Variants in PCSK5 observed in about 807,000 individuals in gnomAD.
PCSK5 encodes prohormone convertase 5.
A neutral mutation model predicts 233.2 loss-of-function variants in PCSK5; 129 were observed. The ratio of observed to expected loss-of-function variants is 0.55; its 90% CI spans 0.48 to 0.64. The LOEUF is 0.64. PCSK5 is among the 30% of genes least tolerant of loss of function. PCSK5 has a pLI of 0.00. For synonymous variants in PCSK5, 825 were observed against 879.2 expected (o/e 0.94, Z 1.09); for missense variants, 2,076 against 2,430.1 (o/e 0.85, Z 3.06).
At chr9:76,004,756 A>G (rs1394681696) in intron 3 of PCSK5, among the ~76,000 whole-genome samples, 6 of 152,176 alleles carry the variant, frequency 3.9e-5, no homozygotes, top group African/African-American at 1.4e-4. Flanking sequence ...AGACCTTTCA[A>G]GTTGACTCCT....
intron 5 of PCSK5, among the ~76,000 whole-genome samples, chr9:76,064,262 G>T (rs1260866976): frequency 9.6e-6 from 1 of 103,654 alleles, no homozygotes; most frequent in Non-Finnish European, 1.9e-5. Context: ...CCTGGACGGG[G>T]TGGCTGGCCG....
In PCSK5 at chr9:76,060,553, CTGTTCAGGGTTCAACTGTATT is replaced by C. The variant is rs556334900; in HGVS notation, c.633-7398_633-7378del. 9.2e-5 allele frequency among the ~76,000 whole-genome samples: 14 copies of C among 152,200 alleles called. No homozygotes were observed. The South Asian group carries it at 2.9e-3, about 32-fold the overall frequency. ...ATAAGTGGACCCAAGAAGTTCTGTG[CTGTTCAGGGTTCAACTGTATT>C]TGTAAATCTAGACAAATACTGTTCA... On this transcript the variant is annotated intron_variant, in intron 5 of 37. Coordinates refer to ENST00000674117, the MANE Select transcript of PCSK5 (RefSeq NM_001372043.1).
At chr9:75,965,150 G>T (rs1366809791) in intron 2 of PCSK5, among the ~76,000 whole-genome samples, 1 of 152,208 alleles carries the variant, frequency 6.6e-6, no homozygotes, top group Non-Finnish European at 1.5e-5. Context: ...GCAGCCAAGT[G>T]AAGCAATTTG....
chr9:76,180,338 C>A (rs540857500), intron 15 of PCSK5, among the ~76,000 whole-genome samples: 1 of 152,144 alleles, frequency 6.6e-6, no homozygotes, highest in East Asian at 1.9e-4. Context: ...TCCTTTCCAC[C>A]CCACTGATGT....
chr9:76,294,654 G>A (rs557644679), intron 25 of PCSK5, among the ~76,000 whole-genome samples: 4 of 152,048 alleles, frequency 2.6e-5, no homozygotes, highest in African/African-American at 9.6e-5. Flanking sequence ...TCTACCATAC[G>A]AGATTTGTGG....
intron 8 of PCSK5, among the ~76,000 whole-genome samples, chr9:76,105,091 T>C (rs1292007785): frequency 6.6e-6 from 1 of 152,226 alleles, no homozygotes; most frequent in Non-Finnish European, 1.5e-5. Context: ...GGCACCCCCA[T>C]GTGCATGTTC....
intron 2 of PCSK5, among the ~76,000 whole-genome samples, chr9:75,976,430 C>T (rs1023053170): frequency 5.3e-5 from 8 of 151,252 alleles, no homozygotes; most frequent in Admixed American, 1.3e-4. Flanking sequence ...CCTTTTTTTT[C>T]CCCAGAGGAC....
chr9:76,110,070 CA>C, intron 9 of PCSK5, among the ~76,000 whole-genome samples: 1 of 152,298 alleles, frequency 6.6e-6, no homozygotes, highest in African/African-American at 2.4e-5. Flanking sequence ...TGCTTCTCAA[CA>C]GCCCTTGAAC....
At chr9:76,155,919 C>T (rs1032735871) in intron 10 of PCSK5, among the ~76,000 whole-genome samples, 1 of 152,102 alleles carries the variant, frequency 6.6e-6, no homozygotes, top group Non-Finnish European at 1.5e-5. Context: ...GAAAGAGCAG[C>T]CTCTGACTGG....
At chr9:75,899,999 G>C (rs1307337291) in intron 1 of PCSK5, among the ~76,000 whole-genome samples, 1 of 152,164 alleles carries the variant, frequency 6.6e-6, no homozygotes, top group Non-Finnish European at 1.5e-5. Flanking sequence ...AGTGCTCTTA[G>C]CACCAATGCT....
intron 3 of PCSK5, among the ~76,000 whole-genome samples, chr9:75,992,561 A>G (rs1445879416): frequency 6.6e-6 from 1 of 152,030 alleles, no homozygotes; most frequent in East Asian, 1.9e-4. Flanking sequence ...CCCGTAGTAA[A>G]TAACTTTAAA....
chr9:76,310,731 G>A lies in PCSK5; in HGVS notation c.3764G>A (p.Cys1255Tyr). The change falls in exon 30 of 38, where the codon TGC (cysteine) becomes TAC (tyrosine). Residue 1255 changes from cysteine (C) to tyrosine (Y), a missense_variant. This residue lies in a region of PCSK5 where 1,510 missense variants were observed against 1,538.1 expected (regional missense o/e 0.98). Transcript: ENST00000674117. ...GTWPSVRSGS[C>Y]ENCTEACAIC... Reference sequence around the variant, plus strand: ...TGGCCTTCCGTAAGGAGTGGGAGCTGCGAGAACTGTACGGAGGCCTGTGCC... The same window carrying A: ...TGGCCTTCCGTAAGGAGTGGGAGCTACGAGAACTGTACGGAGGCCTGTGCC... 1.2e-6 allele frequency: 2 copies of A among 1,612,372 alleles called. No homozygotes were observed. The highest frequency in any genetic ancestry group is 1.7e-6 in the Non-Finnish European group (2 of 1,179,644).
At chr9:76,273,211 A>G (rs1238201826) in intron 24 of PCSK5, among the ~76,000 whole-genome samples, 2 of 152,086 alleles carry the variant, frequency 1.3e-5, no homozygotes, top group Non-Finnish European at 2.9e-5. Context: ...TCAAGAAACC[A>G]TGATTTGAAG....
chr9:76,101,448 G>T (rs1471580569), intron 8 of PCSK5, among the ~76,000 whole-genome samples: 1 of 152,140 alleles, frequency 6.6e-6, no homozygotes, highest in Admixed American at 6.5e-5. Flanking sequence ...AAGCCTAAAA[G>T]ATCCTATCTA....
intron 32 of PCSK5, among the ~76,000 whole-genome samples, chr9:76,324,244 T>C (rs760481458): frequency 2.6e-5 from 4 of 151,858 alleles, no homozygotes; most frequent in Non-Finnish European, 5.9e-5. Flanking sequence ...GTTATTGTTG[T>C]TCTTGAGATG....
chr9:76,177,321 G>A (rs1370748100), intron 14 of PCSK5, among the ~76,000 whole-genome samples: 1 of 151,986 alleles, frequency 6.6e-6, no homozygotes, highest in Non-Finnish European at 1.5e-5. Flanking sequence ...AGAAAAAAAA[G>A]AACTATAAAT....
intron 32 of PCSK5, 62 bp from the exon 33 acceptor site, chr9:76,327,947 C>T: frequency 9.9e-7 from 1 of 1,012,132 alleles, no homozygotes; most frequent in South Asian, 1.3e-5. Flanking sequence ...CAGGGGAAGC[C>T]ATTCCCACGA....
At chr9:75,943,253 A>G (rs1232126200) in intron 2 of PCSK5, among the ~76,000 whole-genome samples, 1 of 152,184 alleles carries the variant, frequency 6.6e-6, no homozygotes, top group Non-Finnish European at 1.5e-5. Context: ...TAATGATAGC[A>G]TTCTAAATTT....
chr9:76,015,225 A>G (rs1827899410), intron 3 of PCSK5, among the ~76,000 whole-genome samples: 1 of 151,974 alleles, frequency 6.6e-6, no homozygotes, highest in Non-Finnish European at 1.5e-5. Flanking sequence ...AAGCAAATTC[A>G]CTCTTCCTCT....
Sources: allele counts gnomAD v4.1 joint callset (sites outside exome capture counted in the v4.1 genomes callset), GRCh38; gene constraint gnomAD v4.1.1; regional missense constraint gnomAD v4.1.1; transcripts MANE v1.5; gene names NCBI Gene and HGNC (gene_info 2026-07-23, HGNC 2026-07-21).